CYB5A: variants seen among roughly 807,000 people sequenced by gnomAD.
The protein encoded by CYB5A is cytochrome b5.
In CYB5A, 10 loss-of-function variants were observed where a neutral mutation model predicts 16.2. The observed-to-expected ratio is 0.62, with a 90% CI of 0.38 to 1.04. CYB5A has a LOEUF of 1.04. Among genes scored for constraint, CYB5A ranks in the 50% least tolerant of loss-of-function variants. CYB5A has a pLI of 0.01. For synonymous variants in CYB5A, 62 were observed against 57.0 expected (o/e 1.09, Z -0.40); for missense variants, 161 against 165.9 (o/e 0.97, Z 0.16).
chr18:74,256,816 T>C, intron 3 of CYB5A: 8 of 1,613,492 alleles, frequency 5.0e-6, no homozygotes, highest in South Asian at 1.1e-5. Context: ...AAAGCAGTTA[T>C]GAGACCCACC....
chr18:74,256,756 G>A (rs1391008774), intron 3 of CYB5A: 30 of 1,390,680 alleles, frequency 2.2e-5, no homozygotes, highest in African/African-American at 1.7e-4. Flanking sequence ...TGCAAAGCAC[G>A]TTAGAGAAAC....
chr18:74,263,351 G>T lies in CYB5A; in HGVS notation c.256C>A (p.Pro86Thr). The stretch of plus-strand genomic sequence containing the variant: ...AAGGGCCCCCAAAATGTACTTACTG[G>T]ATGGAGCTCCCCAATGATGAATGTT... ...SKTFIIGELH[P>T]DDRPKLNKPP... is the part of the protein sequence containing the mutation. The change falls in exon 2 of 5, where the codon CCA becomes ACA. Residue 86 changes from proline to threonine, a missense_variant and splice_region_variant. Physicochemically the swap from Pro to Thr is conservative, Grantham distance 38. Transcript: ENST00000340533. 1 of 1,613,956 alleles carries T rather than the reference G, an allele frequency of 6.2e-7. No homozygotes were observed. The highest frequency in any genetic ancestry group is 8.5e-7 in the Non-Finnish European group (1 of 1,179,922).
At chr18:74,274,271 G>A (rs1982783199) in intron 1 of CYB5A, among the ~76,000 whole-genome samples, 2 of 152,218 alleles carry the variant, frequency 1.3e-5, no homozygotes, top group African/African-American at 4.8e-5. Flanking sequence ...AACGAGCGAT[G>A]TTTCCACTTC....
chr18:74,277,559 A>G (rs1251332935), intron 1 of CYB5A, among the ~76,000 whole-genome samples: 4 of 152,244 alleles, frequency 2.6e-5, no homozygotes, highest in African/African-American at 9.6e-5. Flanking sequence ...TCAAGAAGTT[A>G]GAGTCTAGTA....
chr18:74,284,420 A>T (rs539804437), intron 1 of CYB5A, among the ~76,000 whole-genome samples: 1 of 152,188 alleles, frequency 6.6e-6, no homozygotes, highest in African/African-American at 2.4e-5. Flanking sequence ...AAAGAATAGC[A>T]TTTACTTGGG....
At chr18:74,262,216 G>A (rs1982231573) in intron 2 of CYB5A, among the ~76,000 whole-genome samples, 1 of 152,154 alleles carries the variant, frequency 6.6e-6, no homozygotes, top group African/African-American at 2.4e-5. Context: ...CACTCTGGGA[G>A]GCCTAGGTAG....
rs186257346 is a variant in CYB5A, at chr18:74,285,442, A to G, written c.129+6305T>C. Among the ~76,000 whole-genome samples, 294 of 152,362 alleles carry G rather than the reference A, an allele frequency of 1.9e-3. 2 individuals are homozygous for G. The highest frequency in any genetic ancestry group is 6.7e-3 in the African/African-American group (278 of 41,586). On this transcript the variant is annotated intron_variant, in intron 1 of 4. Coordinates refer to ENST00000340533, the MANE Select transcript of CYB5A (RefSeq NM_148923.4). ...GCTAAAGGGGATAAAAAATTATTCC[A>G]TACATTTCCCTTTTTAACAGAAGTA...
intron 2 of CYB5A, 120 bp downstream of exon 2, chr18:74,263,229 T>A: frequency 7.9e-7 from 1 of 1,264,704 alleles, no homozygotes. Flanking sequence ...TGTCCTAAAA[T>A]CAGGAGTTGT....
At chr18:74,260,139 G>A (rs1479976283) in intron 3 of CYB5A, 1 of 152,274 alleles carries the variant, frequency 6.6e-6, no homozygotes, top group Non-Finnish European at 1.5e-5. Context: ...AGCTCAGTGG[G>A]GTCTTGCTGT....
intron 3 of CYB5A, chr18:74,256,700 G>C: frequency 2.4e-6 from 2 of 839,362 alleles, no homozygotes; most frequent in South Asian, 3.1e-5. Flanking sequence ...AAGATAAAAA[G>C]CATTAGCAAA....
intron 1 of CYB5A, among the ~76,000 whole-genome samples, chr18:74,275,866 G>C (rs1469571875): frequency 2.0e-5 from 3 of 152,206 alleles, no homozygotes; most frequent in Non-Finnish European, 2.9e-5. Context: ...GGAGAGGCTT[G>C]AAGAACATGC....
chr18:74,256,777 A>T (rs1232623864), intron 3 of CYB5A: 1 of 1,567,780 alleles, frequency 6.4e-7, no homozygotes, highest in Non-Finnish European at 8.8e-7. Flanking sequence ...TCCCGTGAAA[A>T]GACAGACCCC....
chr18:74,262,455 C>CAA (rs5826311), intron 2 of CYB5A, among the ~76,000 whole-genome samples: 93,688 of 131,988 alleles, frequency 0.71, 33,373 homozygotes, highest in East Asian at 0.85. Flanking sequence ...GACTCTGTCT[C>CAA]AAAAAAAAAA....
At chr18:74,275,335 A>T (rs547022781) in intron 1 of CYB5A, among the ~76,000 whole-genome samples, 1 of 152,120 alleles carries the variant, frequency 6.6e-6, no homozygotes, top group Non-Finnish European at 1.5e-5. Flanking sequence ...GGAATGGAAG[A>T]ATCTTCCAGA....
intron 1 of CYB5A, among the ~76,000 whole-genome samples, chr18:74,278,429 A>T (rs1482717529): frequency 6.6e-6 from 1 of 152,128 alleles, no homozygotes; most frequent in Non-Finnish European, 1.5e-5. Flanking sequence ...CCTCATCCCC[A>T]TTTTATATTG....
chr18:74,275,993 C>T (rs1051335206), intron 1 of CYB5A, among the ~76,000 whole-genome samples: 2 of 152,096 alleles, frequency 1.3e-5, no homozygotes, highest in African/African-American at 4.8e-5. Context: ...CGTCTCCAAC[C>T]CCATTTCTCC....
intron 3 of CYB5A, 79 bp downstream of exon 3, chr18:74,260,836 T>C (rs1463104237): frequency 9.5e-6 from 12 of 1,257,810 alleles, no homozygotes; most frequent in Non-Finnish European, 1.3e-5. Flanking sequence ...GTCAGGTAAA[T>C]AAAAACCCTC....
intron 1 of CYB5A, among the ~76,000 whole-genome samples, chr18:74,278,598 T>G (rs893181853): frequency 6.6e-6 from 1 of 152,170 alleles, no homozygotes; most frequent in Non-Finnish European, 1.5e-5. Flanking sequence ...TTCTCCTGAA[T>G]CACAGAACCA....
chr18:74,275,535 C>T (rs3794946), intron 1 of CYB5A, among the ~76,000 whole-genome samples: 27,156 of 152,082 alleles, frequency 0.18, 2,564 homozygotes, highest in East Asian at 0.28. Flanking sequence ...ACTCCTGTCC[C>T]GCTTAAGCCA....
Sources: gnomAD v4.1 joint callset for allele counts (sites outside exome capture counted in the v4.1 genomes callset) on GRCh38, gnomAD v4.1.1 for gene constraint, MANE v1.5 for transcripts, NCBI Gene and HGNC (gene_info 2026-07-23, HGNC 2026-07-21) for gene names.